ADAMTS2: variants seen among roughly 807,000 people sequenced by gnomAD.
The protein encoded by ADAMTS2 is A disintegrin and metalloproteinase with thrombospondin motifs 2.
ADAMTS2 carries 50 observed loss-of-function variants against 123.0 expected under a neutral mutation model. The observed-to-expected ratio is 0.41, with a 90% CI of 0.32 to 0.51. The LOEUF (loss-of-function observed/expected upper bound fraction) is 0.51, where lower values mean the gene tolerates loss of function less well. Ranked by LOEUF, ADAMTS2 falls within the 20% of genes least tolerant of loss-of-function variation. The pLI, the probability that ADAMTS2 is intolerant of heterozygous loss-of-function variation, is 0.35. For missense variants in ADAMTS2, 1,494 were observed against 1,705.2 expected (o/e 0.88, Z 2.18); for synonymous variants, 678 against 695.4 (o/e 0.98, Z 0.39).
chr5:179,132,927 T>C lies in ADAMTS2; in HGVS notation c.2086-27A>G, dbSNP rs760124519. ...TGTTGGGGGAGGAGGCAGTGAGCAC[T>C]TGAGACGTCCTGCTAGTAGAGTCAG... On this transcript the variant is annotated intron_variant, in intron 13 of 21. Transcript: ENST00000251582. The surrounding 1 kb of genome is among the most constrained non-coding windows in gnomAD (Gnocchi z 6.1). The C allele has an allele frequency of 6.2e-7, 1 of 1,611,550 alleles. No homozygotes were observed. The highest frequency in any genetic ancestry group is 8.5e-7 in the Non-Finnish European group (1 of 1,179,056).
At chr5:179,208,280 G>A (rs1477998737) in intron 3 of ADAMTS2, among the ~76,000 whole-genome samples, 1 of 151,642 alleles carries the variant, frequency 6.6e-6, no homozygotes, top group Non-Finnish European at 1.5e-5. Flanking sequence ...GCCCATCCTG[G>A]GCTGTGCATG....
chr5:179,140,802 T>TTTTC (rs1184417514), intron 10 of ADAMTS2, among the ~76,000 whole-genome samples: 1 of 131,882 alleles, frequency 7.6e-6, no homozygotes, highest in Non-Finnish European at 1.6e-5. Context: ...GCATGCTCTT[T>TTTTC]TTTTTTTTTT....
At chr5:179,200,432 A>G (rs1245528514) in intron 4 of ADAMTS2, among the ~76,000 whole-genome samples, 3 of 151,846 alleles carry the variant, frequency 2.0e-5, no homozygotes, top group African/African-American at 7.3e-5. Context: ...TATTTTTAGT[A>G]GAGATGAGGT....
At chr5:179,214,597 AG>A (rs59869812) in intron 3 of ADAMTS2, among the ~76,000 whole-genome samples, 37,137 of 152,094 alleles carry the variant, frequency 0.24, 4,584 homozygotes, top group Non-Finnish European at 0.27. Flanking sequence ...AGTGGAAAAA[AG>A]AGCTTATCAG....
intron 2 of ADAMTS2, among the ~76,000 whole-genome samples, chr5:179,300,044 G>C (rs1756469762): frequency 7.0e-6 from 1 of 143,442 alleles, no homozygotes; most frequent in Non-Finnish European, 1.5e-5. Flanking sequence ...CAGTGAGCCT[G>C]AGATTATGCC....
intron 2 of ADAMTS2, among the ~76,000 whole-genome samples, chr5:179,296,634 A>G (rs1177783061): frequency 2.0e-5 from 3 of 152,120 alleles, no homozygotes; most frequent in Non-Finnish European, 4.4e-5. Flanking sequence ...AGATGGGCTC[A>G]GTGGGTAAGG....
chr5:179,134,373 C>T (rs1309525402), intron 13 of ADAMTS2, among the ~76,000 whole-genome samples: 1 of 152,154 alleles, frequency 6.6e-6, no homozygotes, highest in African/African-American at 2.4e-5. Context: ...ATCCAGGACT[C>T]ACATACCAAA....
At chr5:179,269,693 C>T (rs967604469) in intron 3 of ADAMTS2, among the ~76,000 whole-genome samples, 1 of 152,162 alleles carries the variant, frequency 6.6e-6, no homozygotes, top group Non-Finnish European at 1.5e-5. Flanking sequence ...TGAGGACTCC[C>T]TCCTCAACAG....
chr5:179,187,650 G>A (rs1439317317), intron 4 of ADAMTS2, among the ~76,000 whole-genome samples: 1 of 152,152 alleles, frequency 6.6e-6, no homozygotes, highest in African/African-American at 2.4e-5. Flanking sequence ...CCCAAGGCCT[G>A]CGTGTGCTGG....
Position 179,262,324 on chromosome 5 carries a change from C to T in ADAMTS2, c.688+10587G>A, listed in dbSNP as rs748005731. 6.6e-6 allele frequency among the ~76,000 whole-genome samples: 1 copy of T among 152,044 alleles called. No homozygotes were observed. The highest frequency in any genetic ancestry group is 2.4e-5 in the African/African-American group (1 of 41,372). On this transcript the variant is annotated intron_variant, in intron 3 of 21. Transcript: ENST00000251582. The surrounding 1 kb of genome is among the most constrained non-coding windows in gnomAD (Gnocchi z 5.9). The stretch of plus-strand genomic sequence containing the variant: ...TGATTCCTTCCTTCACACCACGTCC[C>T]GGAAGCTCCACCTCAAACTCATCCT...
chr5:179,223,202 A>C (rs1418190677), intron 3 of ADAMTS2, among the ~76,000 whole-genome samples: 3 of 152,224 alleles, frequency 2.0e-5, no homozygotes, highest in African/African-American at 7.2e-5. Flanking sequence ...TGGCCTGCTC[A>C]GTGATCACTC....
chr5:179,136,865 G>A (rs940809008), intron 12 of ADAMTS2, among the ~76,000 whole-genome samples: 1 of 151,908 alleles, frequency 6.6e-6, no homozygotes, highest in African/African-American at 2.4e-5. Context: ...AGCTACTCAG[G>A]AGGCTGAGGC....
chr5:179,303,460 AC>A lies in ADAMTS2; in HGVS notation c.535-30397del. On this transcript the variant is annotated intron_variant, in intron 2 of 21. Coordinates refer to ENST00000251582, the MANE Select transcript of ADAMTS2 (RefSeq NM_014244.5). This position sits in a 1 kb window ranked among gnomAD's most constrained non-coding sequence, Gnocchi z 4.7. Reference sequence around the variant, plus strand: ...AAGACTAGAATGTGAGGTTCAGCAAACCCGCAGAGTTTACTCTTCATTCTCT... The same window carrying A: ...AAGACTAGAATGTGAGGTTCAGCAAACCGCAGAGTTTACTCTTCATTCTCT... Among the ~76,000 whole-genome samples, 1 of 152,168 alleles carries A rather than the reference AC, an allele frequency of 6.6e-6. No homozygotes were observed. Among genetic ancestry groups the A allele is most frequent in the African/African-American group, 2.4e-5 (1 of 41,494 alleles).
At chr5:179,326,379 A>T (rs979144063) in intron 2 of ADAMTS2, among the ~76,000 whole-genome samples, 1 of 151,494 alleles carries the variant, frequency 6.6e-6, no homozygotes, top group Non-Finnish European at 1.5e-5. Context: ...ATTCTGACCC[A>T]GGAATTCCAT....
In ADAMTS2 at chr5:179,158,200, C is replaced by T. The variant is rs1187684186; in HGVS notation, c.1132+523G>A. Among the ~76,000 whole-genome samples the T allele has an allele frequency of 6.6e-6, 1 of 152,132 alleles. No individual in the cohort carries two copies. The highest frequency in any genetic ancestry group is 6.5e-5 in the Admixed American group (1 of 15,274). On this transcript the variant is annotated intron_variant, in intron 6 of 21. Coordinates refer to ENST00000251582, the MANE Select transcript of ADAMTS2 (RefSeq NM_014244.5). The surrounding 1 kb of genome is among the most constrained non-coding windows in gnomAD (Gnocchi z 5.0). The stretch of plus-strand genomic sequence containing the variant: ...CAAGATGGTCTCGATCTCCTGACCT[C>T]GTGATCTACCTGCCTCCGACTCCCA...
chr5:179,168,428 G>C (rs970998402), intron 5 of ADAMTS2, among the ~76,000 whole-genome samples: 2 of 152,186 alleles, frequency 1.3e-5, no homozygotes, highest in African/African-American at 4.8e-5. Flanking sequence ...GCCCCGGGCA[G>C]GCCGCTCGCC....
chr5:179,195,494 A>C (rs1764405497), intron 4 of ADAMTS2, among the ~76,000 whole-genome samples: 2 of 152,162 alleles, frequency 1.3e-5, no homozygotes, highest in South Asian at 4.1e-4. Flanking sequence ...TAGATTTCCC[A>C]AAAAAAGTAG....
At position 179,121,723 on chromosome 5, in the gene ADAMTS2, CTCT is replaced by C; in HGVS notation, c.3113_3115del (p.Lys1038del). ...GCGGGACAGCCACTGAACTACGTAG[CTCT>C]TCTTGGAGGGATCTGAGATGTTTCC... is the stretch of plus-strand genomic sequence containing the variant. On this transcript the variant is annotated inframe_deletion, in exon 21 of 22. Coordinates refer to ENST00000251582, the MANE Select transcript of ADAMTS2 (RefSeq NM_014244.5). The C allele has an allele frequency of 6.3e-7, 1 of 1,590,898 alleles. No individual in the cohort carries two copies. Among genetic ancestry groups the C allele is most frequent in the Non-Finnish European group, 8.6e-7 (1 of 1,168,360 alleles).
At chr5:179,319,513 T>C (rs1757099007) in intron 2 of ADAMTS2, among the ~76,000 whole-genome samples, 3 of 152,098 alleles carry the variant, frequency 2.0e-5, no homozygotes, top group Non-Finnish European at 2.9e-5. Flanking sequence ...CATGCATCAC[T>C]GACGTGCTCA....
Sources: allele counts gnomAD v4.1 joint callset (sites outside exome capture counted in the v4.1 genomes callset), GRCh38; gene constraint gnomAD v4.1.1; non-coding constraint Gnocchi (gnomAD v3.1); transcripts MANE v1.5; gene names NCBI Gene and HGNC (gene_info 2026-07-23, HGNC 2026-07-21).